DNAH14: variants seen among roughly 807,000 people sequenced by gnomAD.
The protein encoded by DNAH14 is dynein axonemal heavy chain 14.
DNAH14 carries 478 observed loss-of-function variants against 520.9 expected under a neutral mutation model. The observed-to-expected ratio is 0.92, with a 90% confidence interval of 0.85 to 0.99. The LOEUF is 0.99. Ranked by LOEUF, DNAH14 falls within the 50% of genes least tolerant of loss-of-function variation. The pLI is 0.00. For missense variants in DNAH14, 4,831 were observed against 5,234.5 expected, an observed-to-expected ratio of 0.92 and a Z score of 2.38; for synonymous variants, 1,581 against 1,757.2, an observed-to-expected ratio of 0.90 and a Z score of 2.51.
At chr1:225,330,463 T>C (rs1254949216) in intron 64 of DNAH14, among the ~76,000 whole-genome samples, 2 of 152,202 alleles carry the variant, frequency 1.3e-5, no homozygotes, top group African/African-American at 4.8e-5. Context: ...CAGTGGAGTA[T>C]TATTCAACCA....
chr1:225,383,507 G>C (rs2095803721), intron 81 of DNAH14, among the ~76,000 whole-genome samples: 1 of 152,184 alleles, frequency 6.6e-6, no homozygotes, highest in African/African-American at 2.4e-5. Context: ...ATGATGAGTT[G>C]GTACACTGTA....
intron 74 of DNAH14, among the ~76,000 whole-genome samples, chr1:225,359,035 A>G (rs904982437): frequency 3.9e-5 from 6 of 152,224 alleles, no homozygotes; most frequent in Admixed American, 3.3e-4. Flanking sequence ...GTATTTCTTC[A>G]TAGCAGTGTG....
At chr1:225,256,903 T>TA (rs59571521) in intron 44 of DNAH14, among the ~76,000 whole-genome samples, 3,260 of 149,404 alleles carry the variant, frequency 0.022, 44 homozygotes, top group South Asian at 0.028. Flanking sequence ...TTTGCTATTT[T>TA]AAAAAAAAAA....
At chr1:225,350,277 C>A (rs2095346918) in intron 71 of DNAH14, among the ~76,000 whole-genome samples, 1 of 151,998 alleles carries the variant, frequency 6.6e-6, no homozygotes, top group Admixed American at 6.6e-5. Context: ...ACATTGAAAG[C>A]AGTGCTAAGA....
At chr1:225,289,864 T>C (rs1190116235) in intron 54 of DNAH14, 21 bp from the exon 55 acceptor site, 7 of 1,331,924 alleles carry the variant, frequency 5.3e-6, no homozygotes, top group African/African-American at 1.5e-5. Flanking sequence ...TGTCATGTGT[T>C]GTATTTCTTT....
Position 225,240,607 on chromosome 1 carries a change from G to C in DNAH14, c.6533G>C (p.Trp2178Ser). The C allele has an allele frequency of 1.9e-6, 3 of 1,547,486 alleles. No homozygotes were observed. The highest frequency in any genetic ancestry group is 2.0e-5 in the Admixed American group (1 of 50,952). Residue 2178 changes from tryptophan (W) to serine (S), a missense_variant, in exon 43 of 86, where the codon TGG (tryptophan) becomes TCG (serine). Physicochemically the swap from Trp to Ser is radical, Grantham distance 177. Coordinates refer to ENST00000682510, the MANE Select transcript of DNAH14 (RefSeq NM_001367479.1). ...KDIEKRDENTWYPEKNPDKLT... is the reference protein window; with the variant it reads ...KDIEKRDENTSYPEKNPDKLT... Reference sequence around the variant, plus strand: ...GTCTACCCCAGGGATGAAAATACATGGTATCCAGAGAAAAATCCTGATAAA... The same window carrying C: ...GTCTACCCCAGGGATGAAAATACATCGTATCCAGAGAAAAATCCTGATAAA...
In DNAH14 at chr1:225,340,586, T is replaced by G; in HGVS notation, c.10563T>G (p.His3521Gln). 1 of 1,551,470 alleles carries G rather than the reference T, an allele frequency of 6.4e-7. No individual in the cohort carries two copies. The highest frequency in any genetic ancestry group is 2.4e-5 in the East Asian group (1 of 40,840). ...QDQLLSTVVTHEVPHLEDQRS... is the reference protein window; with the variant it reads ...QDQLLSTVVTQEVPHLEDQRS... ...AACTCTTGTCTACTGTGGTAACTCATGAAGTTCCTCATTTAGAAGATCAAC... is the reference window on the plus strand; with the variant it reads ...AACTCTTGTCTACTGTGGTAACTCAGGAAGTTCCTCATTTAGAAGATCAAC... Residue 3521 changes from histidine to glutamine, a missense_variant, in exon 69 of 86, where the codon CAT becomes CAG. By Grantham distance (24) the His-to-Gln change is conservative. Coordinates refer to ENST00000682510, the MANE Select transcript of DNAH14 (RefSeq NM_001367479.1).
At chr1:225,363,701 A>T in intron 75 of DNAH14, among the ~76,000 whole-genome samples, 1 of 151,976 alleles carries the variant, frequency 6.6e-6, no homozygotes, top group East Asian at 1.9e-4. Context: ...CCTTATATCA[A>T]GTGGTGCAGT....
At chr1:225,188,699 G>T (rs554936329) in intron 37 of DNAH14, among the ~76,000 whole-genome samples, 126 of 151,984 alleles carry the variant, frequency 8.3e-4, no homozygotes, top group African/African-American at 2.8e-3. Flanking sequence ...TGAATTTAAG[G>T]ATTGGCTTTT....
At chr1:225,191,123 G>A (rs72748642) in intron 37 of DNAH14, among the ~76,000 whole-genome samples, 16,304 of 151,778 alleles carry the variant, frequency 0.11, 1,093 homozygotes, top group Middle Eastern at 0.18. Context: ...AAGTAATAGT[G>A]GCTTTTATAT....
chr1:225,181,777 C>T (rs974942600), intron 36 of DNAH14, among the ~76,000 whole-genome samples: 3 of 152,074 alleles, frequency 2.0e-5, no homozygotes, highest in Non-Finnish European at 4.4e-5. Context: ...ATCTTCTCCC[C>T]GCTGTTTATT....
At chr1:225,036,428 C>T (rs1188620660) in intron 11 of DNAH14, among the ~76,000 whole-genome samples, 2 of 152,024 alleles carry the variant, frequency 1.3e-5, no homozygotes, top group Admixed American at 6.6e-5. Context: ...AGCCACCACG[C>T]CCTGCCCAGA....
chr1:224,966,347 C>T (rs528629120), intron 5 of DNAH14, among the ~76,000 whole-genome samples: 75 of 152,204 alleles, frequency 4.9e-4, no homozygotes, highest in African/African-American at 1.8e-3. Flanking sequence ...TTTAGTTACA[C>T]AATAGCTTCT....
chr1:224,992,253 T>C (rs2063110904), intron 8 of DNAH14, among the ~76,000 whole-genome samples: 1 of 152,158 alleles, frequency 6.6e-6, no homozygotes, highest in Non-Finnish European at 1.5e-5. Flanking sequence ...ATTTTAAGAT[T>C]TTAAAAAATT....
At chr1:225,395,355 A>G (rs1411817435) in intron 84 of DNAH14, among the ~76,000 whole-genome samples, 3 of 152,178 alleles carry the variant, frequency 2.0e-5, no homozygotes, top group Non-Finnish European at 1.5e-5. Context: ...GCACTTTGTG[A>G]GGCTGAGGCG....
At chr1:225,285,370 G>T (rs913281361) in intron 54 of DNAH14, among the ~76,000 whole-genome samples, 2 of 152,186 alleles carry the variant, frequency 1.3e-5, no homozygotes, top group African/African-American at 4.8e-5. Context: ...CCAACAGGGT[G>T]AAACTCCATC....
At position 225,266,637 on chromosome 1, in the gene DNAH14, TA is replaced by T. The variant is rs1293634703; in HGVS notation, c.7411-2del. 2 of 1,482,342 alleles carry T rather than the reference TA, an allele frequency of 1.3e-6. No individual in the cohort carries two copies. Among genetic ancestry groups the T allele is most frequent in the Non-Finnish European group, 1.8e-6 (2 of 1,121,164 alleles). The allele number at this position is 1,482,342 out of a possible 1,614,324, so 91.8% of individuals were successfully genotyped here. On this transcript the variant is annotated splice_polypyrimidine_tract_variant and splice_region_variant and intron_variant, in intron 48 of 85. Coordinates refer to ENST00000682510, the MANE Select transcript of DNAH14 (RefSeq NM_001367479.1). ...TATGTTTAAAACCTTTTGTCTTTCT[TA>T]AGATTCTAATATTTATTGATGATAT...
In DNAH14 at chr1:225,080,592, G is replaced by C. The variant is rs73133544; in HGVS notation, c.2980G>C (p.Gly994Arg). ...IVLSEISDIEGDLTLRKKLWE... is the reference protein window; with the variant it reads ...IVLSEISDIERDLTLRKKLWE... Reference sequence around the variant, plus strand: ...GCTTTCAGAGATCTCTGACATTGAAGGTGACTTGACTTTGAGGAAAAAACT... The same window carrying C: ...GCTTTCAGAGATCTCTGACATTGAACGTGACTTGACTTTGAGGAAAAAACT... Residue 994 changes from glycine to arginine, a missense_variant, in exon 19 of 86, where the codon GGT becomes CGT. Gly to Arg is a moderately radical substitution (Grantham distance 125, BLOSUM62 -2). Transcript: ENST00000682510. The C allele has an allele frequency of 6.4e-7, 1 of 1,551,982 alleles. No individual in the cohort carries two copies. The highest frequency in any genetic ancestry group is 8.7e-7 in the Non-Finnish European group (1 of 1,147,084).
chr1:225,159,214 T>C lies in DNAH14; in HGVS notation c.5274-100T>C. On this transcript the variant is annotated intron_variant, in intron 34 of 85. Transcript: ENST00000682510. ...AGTGAGAGAGAGGAGGGAAGGACAT[T>C]GGGATAGCCACCCCTAAAACAGAAT... 3.2e-6 allele frequency: 3 copies of C among 941,170 alleles called. No homozygotes were observed. The East Asian group carries it at 8.2e-5, about 26-fold the overall frequency. 58.3% of individuals were successfully genotyped at this position (941,170 alleles called of 1,614,324 possible). A position where few individuals can be genotyped will look rare whatever the true frequency, so the allele number is the denominator to read the frequency against.
Sources: gnomAD v4.1 joint callset for allele counts (sites outside exome capture counted in the v4.1 genomes callset) on GRCh38, gnomAD v4.1.1 for gene constraint, MANE v1.5 for transcripts, NCBI Gene and HGNC (gene_info 2026-07-23, HGNC 2026-07-21) for gene names.